RYR2: variants seen among roughly 807,000 people sequenced by gnomAD.
RYR2 encodes cardiac muscle ryanodine receptor-calcium release channel.
RYR2 carries 227 observed loss-of-function variants against 601.1 expected under a neutral mutation model. That is an observed-to-expected ratio of 0.38 (90% CI 0.34 to 0.42). RYR2 has a LOEUF of 0.42. Ranked by LOEUF, RYR2 falls within the 10% of genes least tolerant of loss-of-function variation. RYR2 has a pLI of 1.00. For synonymous variants in RYR2, 2,223 were observed against 2,175.1 expected, an observed-to-expected ratio of 1.02 and a Z score of -0.61; for missense variants, 4,646 against 6,156.5, an observed-to-expected ratio of 0.75 and a Z score of 8.21.
At chr1:237,101,321 A>AC (rs1474834189) in intron 1 of RYR2, among the ~76,000 whole-genome samples, 1 of 151,606 alleles carries the variant, frequency 6.6e-6, no homozygotes, top group Non-Finnish European at 1.5e-5. Context: ...AAAAAAAAAA[A>AC]AAACCTCACA....
At chr1:237,198,574 T>C (rs12729522) in intron 1 of RYR2, among the ~76,000 whole-genome samples, 52,755 of 151,698 alleles carry the variant, frequency 0.35, 9,435 homozygotes, top group Middle Eastern at 0.4. Flanking sequence ...TTTTTCACTC[T>C]GAGAAATGTT....
intron 36 of RYR2, among the ~76,000 whole-genome samples, chr1:237,611,641 A>T (rs564811162): frequency 1.3e-5 from 2 of 152,272 alleles, no homozygotes; most frequent in African/African-American, 4.8e-5. Context: ...TAAGTTTCTA[A>T]GTTTTGGGCC....
At chr1:237,441,298 T>A in intron 12 of RYR2, 21 bp from the exon 13 acceptor site, 1 of 1,613,308 alleles carries the variant, frequency 6.2e-7, no homozygotes, top group Non-Finnish European at 8.5e-7. Flanking sequence ...TACTGACCTT[T>A]TTTTCCTCCT....
At chr1:237,724,553 C>T (rs1001079617) in intron 74 of RYR2, among the ~76,000 whole-genome samples, 5 of 151,888 alleles carry the variant, frequency 3.3e-5, no homozygotes, top group East Asian at 3.9e-4. Context: ...CATATATTTA[C>T]GTTATCTAAT....
chr1:237,787,676 ATCATTCT>A (rs1451000158), intron 91 of RYR2, among the ~76,000 whole-genome samples: 1 of 151,800 alleles, frequency 6.6e-6, no homozygotes, highest in Non-Finnish European at 1.5e-5. Context: ...AAAATCATTC[ATCATTCT>A]TCATTTTTTT....
At chr1:237,449,233 A>G (rs2998404) in intron 14 of RYR2, among the ~76,000 whole-genome samples, 13,294 of 151,944 alleles carry the variant, frequency 0.087, 1,708 homozygotes, top group African/African-American at 0.28. Flanking sequence ...TTATTGGTTT[A>G]TTAGCTGTAA....
Position 237,813,022 on chromosome 1 carries a change from C to T in RYR2, c.14433+3987C>T, listed in dbSNP as rs183409326. Among the ~76,000 whole-genome samples the T allele has an allele frequency of 1.7e-3, 263 of 152,226 alleles. 2 individuals are homozygous for T. Among genetic ancestry groups the T allele is most frequent in the Non-Finnish European group, 5.3e-4 (36 of 68,020 alleles). ...TGCAACACTTTACCCCCTCCTCCCA[C>T]GCCTATTCATTCATTCCAGGCCTAG... On this transcript the variant is annotated intron_variant, in intron 100 of 104. Coordinates refer to ENST00000366574, the MANE Select transcript of RYR2 (RefSeq NM_001035.3).
intron 28 of RYR2, among the ~76,000 whole-genome samples, chr1:237,568,396 C>T (rs1317459674): frequency 1.3e-5 from 2 of 152,132 alleles, no homozygotes; most frequent in Non-Finnish European, 2.9e-5. Flanking sequence ...TCACATAACT[C>T]AGGTGTGCTT....
intron 1 of RYR2, among the ~76,000 whole-genome samples, chr1:237,101,163 G>A (rs929507707): frequency 6.6e-6 from 1 of 152,110 alleles, no homozygotes; most frequent in African/African-American, 2.4e-5. Flanking sequence ...GCAGAGCTGG[G>A]ATGACTTATA....
chr1:237,383,794 C>T (rs143869307), intron 8 of RYR2, among the ~76,000 whole-genome samples: 45 of 152,210 alleles, frequency 3.0e-4, no homozygotes, highest in African/African-American at 1.0e-3. Context: ...GCTTGAAAAT[C>T]ACTAGTCCTG....
At chr1:237,799,978 C>G (rs546136030) in intron 97 of RYR2, 2 of 150,862 alleles carry the variant, frequency 1.3e-5, no homozygotes, top group Non-Finnish European at 2.9e-5. Flanking sequence ...GCCCCCCAAC[C>G]AGGAAGGCCG....
intron 38 of RYR2, among the ~76,000 whole-genome samples, chr1:237,623,359 G>C (rs374972745): frequency 6.1e-5 from 3 of 48,938 alleles, no homozygotes; most frequent in South Asian, 7.5e-4. Context: ...GCCTTTCTTT[G>C]TTTCTTTCTT....
At chr1:237,187,443 C>CTTTT (rs10686110) in intron 1 of RYR2, among the ~76,000 whole-genome samples, 10,779 of 86,440 alleles carry the variant, frequency 0.12, 2,004 homozygotes, top group African/African-American at 0.24. Flanking sequence ...GCCCGGCCGA[C>CTTTT]TTTTTTTTTT....
intron 1 of RYR2, among the ~76,000 whole-genome samples, chr1:237,045,764 G>T (rs115734908): frequency 1.6e-5 from 2 of 127,778 alleles, no homozygotes; most frequent in Non-Finnish European, 3.3e-5. Flanking sequence ...CATCTTTTTC[G>T]TTATGGTCCT....
intron 5 of RYR2, among the ~76,000 whole-genome samples, chr1:237,367,389 GC>G (rs1348279230): frequency 7.6e-6 from 1 of 130,852 alleles, no homozygotes; most frequent in African/African-American, 2.9e-5. Context: ...ACTGCGTCTG[GC>G]CCCCCAAAAA....
At chr1:237,469,235 T>C in intron 17 of RYR2, 48 bp downstream of exon 17, 1 of 1,004,784 alleles carries the variant, frequency 1.0e-6, no homozygotes, top group Non-Finnish European at 1.5e-6. Context: ...CTCCTATTTT[T>C]CTTTGCTTCG....
chr1:237,099,401 C>T (rs1572628318), intron 1 of RYR2, among the ~76,000 whole-genome samples: 1 of 152,066 alleles, frequency 6.6e-6, no homozygotes, highest in Admixed American at 6.5e-5. Context: ...CCATGCCTGG[C>T]TAATTTTTAA....
chr1:237,085,402 C>T (rs947775994), intron 1 of RYR2, among the ~76,000 whole-genome samples: 17 of 152,230 alleles, frequency 1.1e-4, no homozygotes, highest in East Asian at 1.9e-4. Flanking sequence ...TTCCCTGTTG[C>T]ATAAAATAAA....
At chr1:237,217,924 G>A (rs1205733577) in intron 1 of RYR2, among the ~76,000 whole-genome samples, 2 of 152,210 alleles carry the variant, frequency 1.3e-5, no homozygotes, top group Non-Finnish European at 2.9e-5. Context: ...AATAGTTAAT[G>A]GAGACAAGGG....
Sources: gnomAD v4.1 joint callset for allele counts (sites outside exome capture counted in the v4.1 genomes callset) on GRCh38, gnomAD v4.1.1 for gene constraint, MANE v1.5 for transcripts, NCBI Gene and HGNC (gene_info 2026-07-23, HGNC 2026-07-21) for gene names.